MYO5B: variants seen among roughly 807,000 people sequenced by gnomAD.
MYO5B encodes myosin VB.
MYO5B carries 143 observed loss-of-function variants against 229.3 expected under a neutral mutation model. The observed-to-expected ratio is 0.62, with a 90% CI of 0.54 to 0.72. The LOEUF (loss-of-function observed/expected upper bound fraction) is 0.72. Ranked by LOEUF, MYO5B falls within the 30% of genes least tolerant of loss-of-function variation. MYO5B has a pLI of 0.00. For missense variants in MYO5B, 2,321 were observed against 2,331.0 expected (o/e 1.00, Z 0.09); for synonymous variants, 918 against 885.2 (o/e 1.04, Z -0.66).
chr18:50,147,513 T>C (rs2032523934), intron 1 of MYO5B, among the ~76,000 whole-genome samples: 1 of 152,230 alleles, frequency 6.6e-6, no homozygotes, highest in African/African-American at 2.4e-5. Flanking sequence ...CATTCAGTCT[T>C]CACTGAGCAA....
chr18:49,902,475 G>A (rs1424175845), intron 21 of MYO5B, 119 bp downstream of exon 21: 4 of 1,382,842 alleles, frequency 2.9e-6, no homozygotes, highest in Non-Finnish European at 4.0e-6. Flanking sequence ...GTGGTCTGAG[G>A]ACGTCTGTGC....
chr18:50,079,657 C>T (rs2031168479), intron 1 of MYO5B, among the ~76,000 whole-genome samples: 1 of 152,106 alleles, frequency 6.6e-6, no homozygotes, highest in Non-Finnish European at 1.5e-5. Flanking sequence ...AGCCACCTGC[C>T]ACTCTCCAGC....
intron 2 of MYO5B, among the ~76,000 whole-genome samples, chr18:50,047,265 A>G (rs1469343173): frequency 6.6e-6 from 1 of 152,242 alleles, no homozygotes; most frequent in African/African-American, 2.4e-5. Context: ...CAACCCCATC[A>G]AAAAGTGGGT....
chr18:50,077,168 TAAAAAAAA>T lies in MYO5B; in HGVS notation c.28-21798_28-21791del, dbSNP rs71169476. Reference sequence around the variant, plus strand: ...TTAGGGTTAATTTATTGTGGCAAAGTAAAAAAAAAAAAAAAAAAAAAAAAAGACAACTT... The same window carrying T: ...TTAGGGTTAATTTATTGTGGCAAAGTAAAAAAAAAAAAAAAAAGACAACTT... On this transcript the variant is annotated intron_variant, in intron 1 of 39. Coordinates refer to ENST00000285039, the MANE Select transcript of MYO5B (RefSeq NM_001080467.3). Among the ~76,000 whole-genome samples, 125 of 81,216 alleles carry T rather than the reference TAAAAAAAA, an allele frequency of 1.5e-3. 1 individual carries two copies. The highest frequency in any genetic ancestry group is 4.8e-3 in the South Asian group (8 of 1,664). 53.3% of individuals were successfully genotyped at this position (81,216 alleles called of 152,430 possible). A position where few individuals can be genotyped will look rare whatever the true frequency, so the allele number is the denominator to read the frequency against.
At chr18:49,868,510 T>G (rs1056038463) in intron 27 of MYO5B, among the ~76,000 whole-genome samples, 20 of 152,236 alleles carry the variant, frequency 1.3e-4, no homozygotes, top group African/African-American at 4.6e-4. Context: ...AATCCAGCTC[T>G]GGCTGATAGC....
chr18:50,135,771 G>A (rs1370578773), intron 1 of MYO5B, among the ~76,000 whole-genome samples: 1 of 152,198 alleles, frequency 6.6e-6, no homozygotes, highest in Admixed American at 6.5e-5. Flanking sequence ...GTTAGAAACT[G>A]CTAGGAGGTG....
At chr18:49,878,309 T>C (rs2024549105) in intron 24 of MYO5B, among the ~76,000 whole-genome samples, 1 of 152,128 alleles carries the variant, frequency 6.6e-6, no homozygotes, top group East Asian at 1.9e-4. Flanking sequence ...AGTTTACCAT[T>C]TATACTGTTC....
Position 50,018,917 on chromosome 18 carries a change from GCTAA to G in MYO5B, c.456-17510_456-17507del, listed in dbSNP as rs376985703. Among the ~76,000 whole-genome samples, 13 of 152,312 alleles carry G rather than the reference GCTAA, an allele frequency of 8.5e-5. No homozygotes were observed. In the South Asian group the frequency reaches 1.9e-3, roughly 22 times the overall value. On this transcript the variant is annotated intron_variant, in intron 4 of 39. Transcript: ENST00000285039. ...AAAGTAGCTAGAGATAATATCCCAA[GCTAA>G]CTAAAGAGGTAGCACTTTTCTCTTA...
intron 1 of MYO5B, among the ~76,000 whole-genome samples, chr18:50,120,332 T>C (rs1294271869): frequency 6.6e-6 from 1 of 152,208 alleles, no homozygotes; most frequent in African/African-American, 2.4e-5. Flanking sequence ...CATAGGTTTC[T>C]AGCATCTGTC....
chr18:49,992,186 C>T, intron 6 of MYO5B, 102 bp downstream of exon 6: 1 of 1,499,408 alleles, frequency 6.7e-7, no homozygotes, highest in Non-Finnish European at 9.3e-7. Context: ...ATTCCAGGCT[C>T]ACAAGAGAGA....
intron 1 of MYO5B, among the ~76,000 whole-genome samples, chr18:50,071,072 C>T (rs1598997627): frequency 6.6e-6 from 1 of 152,328 alleles, no homozygotes; most frequent in Middle Eastern, 3.4e-3. Flanking sequence ...CATCCTCCCG[C>T]CTTGGCCTCC....
intron 20 of MYO5B, 31 bp from the exon 21 acceptor site, chr18:49,902,864 G>A (rs201625871): frequency 6.3e-7 from 1 of 1,596,370 alleles, no homozygotes; most frequent in Non-Finnish European, 8.5e-7. Flanking sequence ...ACATCTTGTG[G>A]GTTTGCACTG....
chr18:49,908,108 G>A (rs1313458530), intron 18 of MYO5B, among the ~76,000 whole-genome samples: 6 of 152,190 alleles, frequency 3.9e-5, no homozygotes, highest in African/African-American at 1.2e-4. Flanking sequence ...GCTGTCTACC[G>A]CATCCAAGCA....
chr18:49,826,717 A>T lies in MYO5B; in HGVS notation c.5395-94T>A. On this transcript the variant is annotated intron_variant, in intron 39 of 39. Transcript: ENST00000285039. ...AAAAGTGAGTTGGCATATATCATGG[A>T]AAGATTTCTACGACAATTAGGTAGA... 8.4e-6 allele frequency: 12 copies of T among 1,429,868 alleles called. 1 individual carries two copies. The South Asian group carries it at 1.4e-4, about 17-fold the overall frequency. The allele number at this position is 1,429,868 out of a possible 1,614,324, so 88.6% of individuals were successfully genotyped here.
rs1187513184 is a variant in MYO5B at position 49,954,397 on chromosome 18, G to C, written c.1584C>G (p.Leu528=). The part of the protein sequence containing the change: ...KGTDQNWAQK[L]YDRHSSSQHF... Reference sequence around the variant, plus strand: ...GCTGGCTGCTGGAGTGCCGGTCATAGAGCTTCTGAGCCCAGTTCTGGTCAG... The same window carrying C: ...GCTGGCTGCTGGAGTGCCGGTCATACAGCTTCTGAGCCCAGTTCTGGTCAG... Residue 528 remains leucine, a synonymous_variant, in exon 13 of 40, where the codon CTC becomes CTG. Transcript: ENST00000285039. 1.2e-6 allele frequency: 2 copies of C among 1,613,990 alleles called. No homozygotes were observed. Among genetic ancestry groups the C allele is most frequent in the African/African-American group, 1.3e-5 (1 of 74,988 alleles).
rs78837116 is a variant in MYO5B, at chr18:50,106,504, T to G, written c.28-51126A>C. 9.8e-3 allele frequency among the ~76,000 whole-genome samples: 1,486 copies of G among 152,330 alleles called. 28 individuals carry two copies. Among genetic ancestry groups the G allele is most frequent in the African/African-American group, 0.034 (1,403 of 41,578 alleles). ...AGTTTAATCTCTTACCATTTTTACC[T>G]TGGAAATAAGGCTACTTTCATTTCC... On this transcript the variant is annotated intron_variant, in intron 1 of 39. Transcript: ENST00000285039.
intron 22 of MYO5B, among the ~76,000 whole-genome samples, chr18:49,883,111 T>C (rs1250186005): frequency 6.6e-6 from 1 of 152,216 alleles, no homozygotes; most frequent in Non-Finnish European, 1.5e-5. Context: ...GCGTTTCCCC[T>C]AAGATCAGGA....
intron 2 of MYO5B, among the ~76,000 whole-genome samples, chr18:50,045,823 C>T (rs1252348559): frequency 6.6e-6 from 1 of 152,210 alleles, no homozygotes; most frequent in African/African-American, 2.4e-5. Context: ...GTAGCGCTGG[C>T]CTAGACTGTT....
intron 16 of MYO5B, among the ~76,000 whole-genome samples, chr18:49,935,324 A>G (rs1454982359): frequency 6.6e-6 from 1 of 152,238 alleles, no homozygotes; most frequent in African/African-American, 2.4e-5. Context: ...CACACCAGAC[A>G]GGTTTCAAGC....
Sources: allele counts gnomAD v4.1 joint callset (sites outside exome capture counted in the v4.1 genomes callset), GRCh38; gene constraint gnomAD v4.1.1; transcripts MANE v1.5; gene names NCBI Gene and HGNC (gene_info 2026-07-23, HGNC 2026-07-21).